SMG5: variants seen among roughly 807,000 people sequenced by gnomAD.
SMG5 encodes SMG5 nonsense mediated mRNA decay factor.
In SMG5, 53 loss-of-function variants were observed where a neutral mutation model predicts 122.9. The observed-to-expected ratio is 0.43, with a 90% CI of 0.35 to 0.54. SMG5 has a LOEUF of 0.54. Ranked by LOEUF, SMG5 falls within the 20% of genes least tolerant of loss-of-function variation. The pLI, the probability that SMG5 is intolerant of heterozygous loss-of-function variation, is 0.01. For synonymous variants in SMG5, 477 were observed against 490.2 expected (o/e 0.97, Z 0.35); for missense variants, 1,153 against 1,285.6 (o/e 0.90, Z 1.58).
At chr1:156,266,434 C>G in intron 11 of SMG5, 54 bp from the exon 12 acceptor site, 3 of 1,599,954 alleles carry the variant, frequency 1.9e-6, no homozygotes, top group Non-Finnish European at 2.6e-6. Context: ...AGCCTGGAAG[C>G]TGGAATGTGC....
chr1:156,285,406 G>A (rs147159217), upstream of SMG5: 4 of 1,604,270 alleles, frequency 2.5e-6, no homozygotes, highest in South Asian at 1.1e-5. Context: ...CAGCCATAGA[G>A]GGGGCTGAGG....
chr1:156,278,884 A>G lies in SMG5; in HGVS notation c.173+52T>C, dbSNP rs1324239482. On this transcript the variant is annotated intron_variant, in intron 2 of 21. Transcript: ENST00000361813. ...TTATATATCTGAGAAGGTTTCTGGT[A>G]GAGATAGGCAGGGAAACAGTAAGGA... The G allele has an allele frequency of 7.6e-6, 11 of 1,450,774 alleles. No homozygotes were observed. In the East Asian group the frequency reaches 2.5e-4, roughly 33 times the overall value. The allele number at this position is 1,450,774 out of a possible 1,614,324, so 89.9% of individuals were successfully genotyped here. A position where few individuals can be genotyped will look rare whatever the true frequency, so the allele number is the denominator to read the frequency against.
intron 2 of SMG5, 30 bp from the exon 3 acceptor site, chr1:156,278,078 C>A: frequency 6.2e-7 from 1 of 1,611,904 alleles, no homozygotes; most frequent in Non-Finnish European, 8.5e-7. Flanking sequence ...ATGAGAGAGA[C>A]AGCCCATCCC....
intron 3 of SMG5, among the ~76,000 whole-genome samples, chr1:156,277,638 G>A (rs923725066): frequency 1.3e-5 from 2 of 150,262 alleles, no homozygotes; most frequent in East Asian, 4.0e-4. Context: ...TCAGCCTCCC[G>A]AGTAGCTGGG....
chr1:156,258,856 G>T, intron 16 of SMG5, 149 bp downstream of exon 16: 1 of 934,460 alleles, frequency 1.1e-6, no homozygotes, highest in Non-Finnish European at 1.5e-6. Flanking sequence ...GTCCTTCCCA[G>T]GCCTCCCTCC....
Position 156,249,492 on chromosome 1 carries a change from C to T in SMG5, c.*1095G>A, listed in dbSNP as rs1661205812. 5.7e-6 allele frequency: 2 copies of T among 349,616 alleles called. No individual in the cohort carries two copies. Among genetic ancestry groups the T allele is most frequent in the South Asian group, 4.3e-5 (2 of 46,220 alleles). 21.7% of individuals were successfully genotyped at this position (349,616 alleles called of 1,614,324 possible). A position where few individuals can be genotyped will look rare whatever the true frequency, so the allele number is the denominator to read the frequency against. On this transcript the variant is annotated 3_prime_UTR_variant, in exon 22 of 22. Coordinates refer to ENST00000361813, the MANE Select transcript of SMG5 (RefSeq NM_015327.3). ...GAGCTGAGGCAATCCTGGCTGCAGC[C>T]TCCCACACACAGCCCTGCTCTTGGT... is the stretch of plus-strand genomic sequence containing the variant.
At position 156,263,406 on chromosome 1, in the gene SMG5, C is replaced by A; in HGVS notation, c.2020G>T (p.Val674Leu). Reference sequence around the variant, plus strand: ...GTGGACTGACACACCTGCGCACACACGATGATGAGGTCGGGGTTGGTCCGA... The same window carrying A: ...GTGGACTGACACACCTGCGCACACAAGATGATGAGGTCGGGGTTGGTCCGA... ...WLRTNPDLII[V>L]CAQSSQSLWN... The change falls in exon 13 of 22, where the codon GTG (valine) becomes TTG (leucine). Residue 674 changes from valine to leucine, a missense_variant. By Grantham distance (32) the Val-to-Leu change is conservative (BLOSUM62 1). Transcript: ENST00000361813. The A allele has an allele frequency of 6.2e-7, 1 of 1,613,576 alleles. No individual in the cohort carries two copies. The highest frequency in any genetic ancestry group is 2.2e-5 in the East Asian group (1 of 44,882).
In SMG5 at chr1:156,253,719, T is replaced by A. The variant is rs1005451144; in HGVS notation, c.2443-211A>T. On this transcript the variant is annotated intron_variant, in intron 16 of 21. Coordinates refer to ENST00000361813, the MANE Select transcript of SMG5 (RefSeq NM_015327.3). ...ACTTCCATTACCAACCCGATGCAGG[T>A]CATGATGTTCCAGGCCCTGCAGGGG... The A allele has an allele frequency of 1.3e-5, 8 of 596,802 alleles. No individual in the cohort carries two copies. The African/African-American group carries it at 1.5e-4, about 11-fold the overall frequency. 37.0% of individuals were successfully genotyped at this position (596,802 alleles called of 1,614,324 possible). A position where few individuals can be genotyped will look rare whatever the true frequency, so the allele number is the denominator to read the frequency against.
At chr1:156,286,061 G>A (rs1663150845), upstream of SMG5, 5 of 1,534,964 alleles carry the variant, frequency 3.3e-6, no homozygotes, top group Non-Finnish European at 4.4e-6. Context: ...GGGAGCAGGA[G>A]GATTTCCCTT....
chr1:156,253,624 C>A, intron 16 of SMG5, 116 bp from the exon 17 acceptor site: 1 of 884,220 alleles, frequency 1.1e-6, no homozygotes, highest in South Asian at 1.3e-5. Flanking sequence ...AAGTCACTCT[C>A]TAGCACTGCT....
chr1:156,279,091 G>A, intron 1 of SMG5, 57 bp from the exon 2 acceptor site: 1 of 1,408,834 alleles, frequency 7.1e-7, no homozygotes, highest in Non-Finnish European at 1.0e-6. Context: ...CACAGAGGAT[G>A]ACGCTGGGAC....
At position 156,266,018 on chromosome 1, in the gene SMG5, C is replaced by T. The variant is rs1314753283; in HGVS notation, c.1618G>A (p.Glu540Lys). Residue 540 changes from glutamate to lysine, a missense_variant, in exon 12 of 22, where the codon GAG (glutamate) becomes AAG (lysine). By Grantham distance (56) the Glu-to-Lys change is moderately conservative (BLOSUM62 1). Around this residue, in one of 5 missense-constraint regions of SMG5, gnomAD observed 631 missense variants for 650.6 expected, o/e 0.97. Coordinates refer to ENST00000361813, the MANE Select transcript of SMG5 (RefSeq NM_015327.3). ...EEEGTRSPTL[E>K]PPRGRSEAPD... ...GCCTCTGATCTGCCCCGAGGGGGCTCCAGGGTTGGTGACCGTGTCCCCTCC... is the reference window on the plus strand; with the variant it reads ...GCCTCTGATCTGCCCCGAGGGGGCTTCAGGGTTGGTGACCGTGTCCCCTCC... 2 of 1,614,206 alleles carry T rather than the reference C, an allele frequency of 1.2e-6. No homozygotes were observed. Among genetic ancestry groups the T allele is most frequent in the East Asian group, 2.2e-5 (1 of 44,878 alleles).
At chr1:156,257,492 G>A (rs1355959865) in intron 16 of SMG5, among the ~76,000 whole-genome samples, 1 of 152,084 alleles carries the variant, frequency 6.6e-6, no homozygotes, top group African/African-American at 2.4e-5. Context: ...AGGGCTTGCA[G>A]GTACTCCCTA....
Position 156,271,668 on chromosome 1 carries a change from G to GTTCAAGTGATTCTCCTGC in SMG5, c.713+651_713+652insGCAGGAGAATCACTTGAA, listed in dbSNP as rs1558242989. On this transcript the variant is annotated intron_variant, in intron 7 of 21. Coordinates refer to ENST00000361813, the MANE Select transcript of SMG5 (RefSeq NM_015327.3). ...GGCTCACTGCAACCTCTGCCTCCTG[G>GTTCAAGTGATTCTCCTGC]GTTCAAGTGATTCTCCTGCGTTCAA... 6.8e-5 allele frequency among the ~76,000 whole-genome samples: 7 copies of GTTCAAGTGATTCTCCTGC among 103,544 alleles called. No individual in the cohort carries two copies. The East Asian group carries it at 1.5e-3, about 22-fold the overall frequency. 67.9% of individuals were successfully genotyped at this position (103,544 alleles called of 152,430 possible). A position where few individuals can be genotyped will look rare whatever the true frequency, so the allele number is the denominator to read the frequency against.
At chr1:156,251,664 C>G (rs779380390) in intron 19 of SMG5, among the ~76,000 whole-genome samples, 187 bp from the exon 20 acceptor site, 2 of 152,150 alleles carry the variant, frequency 1.3e-5, no homozygotes, top group Non-Finnish European at 2.9e-5. Context: ...CACTTTTCCT[C>G]CTGATAACAT....
chr1:156,263,773 T>A (rs748884288), intron 12 of SMG5, among the ~76,000 whole-genome samples: 1 of 152,210 alleles, frequency 6.6e-6, no homozygotes, highest in East Asian at 1.9e-4. Flanking sequence ...TTTAATCTCA[T>A]CAAATTCATT....
At chr1:156,279,070 T>C (rs1320307572) in intron 1 of SMG5, 36 bp from the exon 2 acceptor site, 4 of 1,546,230 alleles carry the variant, frequency 2.6e-6, no homozygotes, top group Non-Finnish European at 3.6e-6. Flanking sequence ...CCCTCAGCCA[T>C]ATGCATGGTC....
At chr1:156,263,165 A>G (rs965276577) in intron 13 of SMG5, among the ~76,000 whole-genome samples, 3 of 152,250 alleles carry the variant, frequency 2.0e-5, no homozygotes, top group Admixed American at 2.0e-4. Context: ...GGGGATACAA[A>G]GCAAAATAAG....
intron 12 of SMG5, 108 bp downstream of exon 12, chr1:156,265,673 A>G (rs570293886): frequency 1.3e-5 from 20 of 1,489,918 alleles, no homozygotes; most frequent in Admixed American, 4.3e-5. Flanking sequence ...GCCAAAGGTA[A>G]GGGTAGAGAC....
Sources: allele counts gnomAD v4.1 joint callset (sites outside exome capture counted in the v4.1 genomes callset), GRCh38; gene constraint gnomAD v4.1.1; regional missense constraint gnomAD v4.1.1; transcripts MANE v1.5; gene names NCBI Gene and HGNC (gene_info 2026-07-23, HGNC 2026-07-21).